The following SYT16 variants were observed in gnomAD, a reference collection of about 807,000 sequenced individuals.
The protein encoded by SYT16 is synaptotagmin-16.
In SYT16, 42 loss-of-function variants were observed where a neutral mutation model predicts 61.4. That is an observed-to-expected ratio of 0.68 (90% CI 0.53 to 0.89). The LOEUF (loss-of-function observed/expected upper bound fraction) is 0.89, where lower values mean the gene tolerates loss of function less well. SYT16 is among the 40% of genes least tolerant of loss of function. SYT16 has a pLI of 0.00. For missense variants in SYT16, 804 were observed against 807.3 expected (o/e 1.00, Z 0.05); for synonymous variants, 314 against 302.3 (o/e 1.04, Z -0.40).
chr14:61,966,064 G>C (rs2051303110), intron 1 of SYT16, among the ~76,000 whole-genome samples: 1 of 151,020 alleles, frequency 6.6e-6, no homozygotes, highest in Non-Finnish European at 1.5e-5. Context: ...GTATAGTTTT[G>C]GGAAGAAAAA....
chr14:62,085,153 C>T (rs1275898982), intron 7 of SYT16, among the ~76,000 whole-genome samples: 1 of 152,168 alleles, frequency 6.6e-6, no homozygotes, highest in African/African-American at 2.4e-5. Context: ...AACAGCCTCT[C>T]ACCACCTAGG....
chr14:62,074,164 C>A (rs368744770), intron 4 of SYT16, among the ~76,000 whole-genome samples: 177 of 152,138 alleles, frequency 1.2e-3, no homozygotes, highest in African/African-American at 4.1e-3. Context: ...TTAGGAAGAC[C>A]CTGCCAGCTT....
chr14:61,914,040 C>G (rs1394539175), intron 1 of SYT16, among the ~76,000 whole-genome samples: 1 of 152,126 alleles, frequency 6.6e-6, no homozygotes, highest in Non-Finnish European at 1.5e-5. Flanking sequence ...AGGATAGCCT[C>G]TCCTATTTTT....
At chr14:61,923,798 C>T (rs1244344609) in intron 1 of SYT16, among the ~76,000 whole-genome samples, 3 of 152,046 alleles carry the variant, frequency 2.0e-5, no homozygotes. Flanking sequence ...GAAAATCATG[C>T]TGTCATGTCT....
intron 5 of SYT16, chr14:62,077,806 A>G (rs1281487048): frequency 6.6e-6 from 1 of 152,244 alleles, no homozygotes; most frequent in Non-Finnish European, 1.5e-5. Context: ...TGGCCTATCC[A>G]AAGCCCAGCC....
chr14:61,891,272 A>ACACACACAC (rs3059979), intron 1 of SYT16, among the ~76,000 whole-genome samples: 2 of 150,484 alleles, frequency 1.3e-5, no homozygotes, highest in African/African-American at 2.5e-5. Flanking sequence ...ACACACACAC[A>ACACACACAC]ATTTATCCAT....
chr14:62,078,172 A>C (rs796334573), intron 5 of SYT16, among the ~76,000 whole-genome samples: 1 of 128,784 alleles, frequency 7.8e-6, no homozygotes, highest in African/African-American at 3.1e-5. Flanking sequence ...TATATATATA[A>C]ACACACACAC....
chr14:62,096,261 G>C (rs1489895508), intron 7 of SYT16, among the ~76,000 whole-genome samples: 2 of 152,062 alleles, frequency 1.3e-5, no homozygotes, highest in Non-Finnish European at 2.9e-5. Flanking sequence ...TATAAATGAA[G>C]CTGAAAGGCA....
chr14:61,955,523 T>A (rs1284617702), intron 1 of SYT16, among the ~76,000 whole-genome samples: 1 of 152,070 alleles, frequency 6.6e-6, no homozygotes, highest in Non-Finnish European at 1.5e-5. Context: ...ATTGCGTATA[T>A]GAGATCATGT....
rs2051295617 is a variant in SYT16 at position 61,965,883 on chromosome 14, A to G, written c.-324-4249A>G. On this transcript the variant is annotated intron_variant, in intron 1 of 7. Transcript: ENST00000683842. ...ATCTGGCTTCCAGGAAAAATGAACA[A>G]AAGAGACTCACAGAAGGATACATTC... Among the ~76,000 whole-genome samples the G allele has an allele frequency of 2.0e-5, 3 of 152,152 alleles. No individual in the cohort carries two copies. The South Asian group carries it at 6.2e-4, about 32-fold the overall frequency.
chr14:61,970,936 T>G (rs1323469549), intron 2 of SYT16, among the ~76,000 whole-genome samples: 1 of 26,666 alleles, frequency 3.8e-5, no homozygotes, highest in African/African-American at 3.9e-4. Context: ...AACTTTGCTG[T>G]TTTTTTTTTT....
intron 1 of SYT16, among the ~76,000 whole-genome samples, chr14:61,854,212 CT>C (rs1314636467): frequency 6.6e-6 from 1 of 152,064 alleles, no homozygotes; most frequent in Non-Finnish European, 1.5e-5. Context: ...CATTATGCAA[CT>C]TTAAACTTGG....
At chr14:62,049,505 T>C (rs12431776) in intron 3 of SYT16, among the ~76,000 whole-genome samples, 10,511 of 152,228 alleles carry the variant, frequency 0.069, 466 homozygotes, top group East Asian at 0.12. Context: ...ATGTGTGAAT[T>C]TGATCCTGTC....
chr14:62,027,231 A>G (rs2054135247), intron 3 of SYT16, among the ~76,000 whole-genome samples: 1 of 152,200 alleles, frequency 6.6e-6, no homozygotes, highest in African/African-American at 2.4e-5. Flanking sequence ...ACTGCAGTAT[A>G]TGGCTTCCCA....
intron 1 of SYT16, among the ~76,000 whole-genome samples, chr14:61,813,733 T>A (rs2140200267): frequency 6.6e-6 from 1 of 150,626 alleles, no homozygotes; most frequent in East Asian, 2.0e-4. Flanking sequence ...GCCATTGCAC[T>A]CCAGTCTGGG....
At chr14:61,854,479 C>T (rs945736361) in intron 1 of SYT16, among the ~76,000 whole-genome samples, 2 of 152,236 alleles carry the variant, frequency 1.3e-5, no homozygotes, top group African/African-American at 4.8e-5. Flanking sequence ...AGATCCTTGT[C>T]ACTATTACTA....
chr14:62,052,935 G>C (rs1226811838), intron 3 of SYT16, among the ~76,000 whole-genome samples: 5 of 152,164 alleles, frequency 3.3e-5, no homozygotes, highest in Admixed American at 6.5e-5. Context: ...CTTTTTTATA[G>C]CAGCATGAAA....
Position 62,107,039 on chromosome 14 carries a change from T to C in SYT16, c.*6332T>C, listed in dbSNP as rs1285534848. ...TGATGAGAAGGCTGACTTCCTATTG[T>C]ATTGCCATATTTATGCATTATTTTT... On this transcript the variant is annotated 3_prime_UTR_variant, in exon 8 of 8. Coordinates refer to ENST00000683842, the MANE Select transcript of SYT16 (RefSeq NM_001367656.1). The C allele has an allele frequency of 2.0e-5, 3 of 151,892 alleles. No individual in the cohort carries two copies. Among genetic ancestry groups the C allele is most frequent in the African/African-American group, 7.3e-5 (3 of 41,326 alleles). The allele number at this position is 151,892 out of a possible 1,614,324, so 9.4% of individuals were successfully genotyped here.
chr14:62,075,608 AAAAAAAAAAAAG>A (rs1022801803), intron 5 of SYT16, among the ~76,000 whole-genome samples: 4 of 115,700 alleles, frequency 3.5e-5, no homozygotes, highest in African/African-American at 1.6e-4. Flanking sequence ...GAACGGTAAA[AAAAAAAAAAAAG>A]AAAAAAAGAA....
Sources: allele counts gnomAD v4.1 joint callset (sites outside exome capture counted in the v4.1 genomes callset), GRCh38; gene constraint gnomAD v4.1.1; transcripts MANE v1.5; gene names NCBI Gene and HGNC (gene_info 2026-07-23, HGNC 2026-07-21).